DZIP1L: variants seen among roughly 807,000 people sequenced by gnomAD.
The protein encoded by DZIP1L is cilium assembly protein DZIP1L.
In DZIP1L, 90 loss-of-function variants were observed where a neutral mutation model predicts 88.7. The ratio of observed to expected loss-of-function variants is 1.02; its 90% confidence interval spans 0.86 to 1.21. The LOEUF (loss-of-function observed/expected upper bound fraction) is 1.21, where lower values mean the gene tolerates loss of function less well. DZIP1L is among the 50% of genes most tolerant of loss of function. The pLI, the probability that DZIP1L is intolerant of heterozygous loss-of-function variation, is 0.00. For missense variants in DZIP1L, 932 were observed against 955.8 expected (o/e 0.98, Z 0.33); for synonymous variants, 363 against 372.1 (o/e 0.98, Z 0.28).
chr3:138,086,609 AAAG>A (rs989518463), intron 7 of DZIP1L, among the ~76,000 whole-genome samples: 2 of 152,166 alleles, frequency 1.3e-5, no homozygotes, highest in Non-Finnish European at 2.9e-5. Context: ...GGGGAATTTC[AAAG>A]AAGAGCCCAA....
At chr3:138,092,270 A>G in intron 5 of DZIP1L, 113 bp downstream of exon 5, 2 of 1,201,662 alleles carry the variant, frequency 1.7e-6, no homozygotes, top group Non-Finnish European at 2.2e-6. Flanking sequence ...AACTGGCCTC[A>G]CAGTGTTTTA....
intron 12 of DZIP1L, among the ~76,000 whole-genome samples, chr3:138,070,972 GGTCC>G (rs1384865351): frequency 6.6e-6 from 1 of 152,200 alleles, no homozygotes; most frequent in East Asian, 1.9e-4. Context: ...CAAGGGTCCT[GGTCC>G]ACAGAATTTC....
chr3:138,101,323 C>T (rs1248683512), intron 2 of DZIP1L, among the ~76,000 whole-genome samples: 1 of 151,114 alleles, frequency 6.6e-6, no homozygotes, highest in Non-Finnish European at 1.5e-5. Flanking sequence ...CAAGGGGGGT[C>T]CCTAGGCAGT....
chr3:138,081,049 G>A (rs780591537), intron 9 of DZIP1L, among the ~76,000 whole-genome samples: 5 of 152,132 alleles, frequency 3.3e-5, no homozygotes, highest in Non-Finnish European at 7.3e-5. Context: ...TGTCTGAACT[G>A]GCTACACGGC....
intron 12 of DZIP1L, 53 bp downstream of exon 12, chr3:138,071,590 A>C: frequency 6.4e-7 from 1 of 1,551,226 alleles, no homozygotes; most frequent in Non-Finnish European, 8.7e-7. Flanking sequence ...AGTTTTGGCA[A>C]GAATGGGACC....
intron 14 of DZIP1L, among the ~76,000 whole-genome samples, chr3:138,065,678 C>T (rs991015395): frequency 2.0e-5 from 3 of 152,194 alleles, no homozygotes; most frequent in African/African-American, 4.8e-5. Flanking sequence ...TAAACATGGC[C>T]AAGTACTGCA....
chr3:138,106,039 C>G (rs6768849), intron 1 of DZIP1L, among the ~76,000 whole-genome samples: 7 of 149,432 alleles, frequency 4.7e-5, no homozygotes, highest in African/African-American at 1.7e-4. Flanking sequence ...TCAGTTCTTG[C>G]AGAAGTGAGA....
At chr3:138,098,347 T>C (rs1944573303) in intron 2 of DZIP1L, among the ~76,000 whole-genome samples, 1 of 152,160 alleles carries the variant, frequency 6.6e-6, no homozygotes, top group African/African-American at 2.4e-5. Flanking sequence ...TGTTTGAAAT[T>C]TTCCATAATA....
chr3:138,080,667 T>G (rs1943606755), intron 9 of DZIP1L, 47 bp from the exon 10 acceptor site: 1 of 1,600,052 alleles, frequency 6.2e-7, no homozygotes, highest in East Asian at 2.2e-5. Flanking sequence ...CTGGACCCCA[T>G]CCCTGACTAG....
At chr3:138,098,798 C>A (rs2107829832) in intron 2 of DZIP1L, among the ~76,000 whole-genome samples, 1 of 152,270 alleles carries the variant, frequency 6.6e-6, no homozygotes, top group Non-Finnish European at 1.5e-5. Context: ...AATTTGTTAT[C>A]AATTAATAAT....
At chr3:138,102,315 T>C in intron 2 of DZIP1L, 1 of 1,346,364 alleles carries the variant, frequency 7.4e-7, no homozygotes. Context: ...GTAAGCTTCA[T>C]CCACATCTTT....
intron 8 of DZIP1L, 85 bp from the exon 9 acceptor site, chr3:138,081,849 T>C: frequency 1.4e-6 from 2 of 1,435,702 alleles, no homozygotes; most frequent in South Asian, 2.6e-5. Context: ...CCTAGCACAG[T>C]GAGGAAGGGA....
intron 4 of DZIP1L, 151 bp downstream of exon 4, chr3:138,094,711 A>T (rs1944386641): frequency 4.7e-6 from 6 of 1,277,498 alleles, no homozygotes; most frequent in Non-Finnish European, 6.5e-6. Context: ...ACCTAAAATC[A>T]TTTGCCATGT....
At position 138,108,265 on chromosome 3, in the gene DZIP1L, G is replaced by A. The variant is rs988548069; in HGVS notation, c.-81-4213C>T. 10 of 984,764 alleles carry A rather than the reference G, an allele frequency of 1.0e-5. No homozygotes were observed. In the African/African-American group the frequency reaches 1.4e-4, roughly 14 times the overall value. 61.0% of individuals were successfully genotyped at this position (984,764 alleles called of 1,614,324 possible). A position where few individuals can be genotyped will look rare whatever the true frequency, so the allele number is the denominator to read the frequency against. ...ACTACTCACAACAAGCTGTGCCTCG[G>A]AGCAACAGCAGGTTACCAGGCATGC... is the stretch of plus-strand genomic sequence containing the variant. On this transcript the variant is annotated intron_variant, in intron 1 of 15. Transcript: ENST00000327532.
At chr3:138,102,876 G>T in intron 2 of DZIP1L, 1 of 656,266 alleles carries the variant, frequency 1.5e-6, no homozygotes, top group East Asian at 2.8e-5. Flanking sequence ...GGGGGCCAGA[G>T]GTGGGCACCT....
chr3:138,094,911 T>G lies in DZIP1L; in HGVS notation c.659A>C (p.Gln220Pro), dbSNP rs982913100. 4 of 1,614,260 alleles carry G rather than the reference T, an allele frequency of 2.5e-6. No individual in the cohort carries two copies. In the East Asian group the frequency reaches 6.7e-5, roughly 27 times the overall value. Reference protein sequence around the residue: ...EELRAKLKWTQGELEAQREAE... With the variant: ...EELRAKLKWTPGELEAQREAE... Reference sequence around the variant, plus strand: ...CTCCCTCTGGGCTTCCAGCTCCCCTTGGGTCCACTTTAGCTTGGCCCGTAG... The same window carrying G: ...CTCCCTCTGGGCTTCCAGCTCCCCTGGGGTCCACTTTAGCTTGGCCCGTAG... The change falls in exon 4 of 16, where the codon CAA becomes CCA. Residue 220 changes from glutamine to proline, a missense_variant. Transcript: ENST00000327532.
Position 138,062,534 on chromosome 3 carries a change from T to G in DZIP1L, c.*282A>C. The G allele has an allele frequency of 3.3e-5, 11 of 334,160 alleles. No individual in the cohort carries two copies. Among genetic ancestry groups the G allele is most frequent in the Admixed American group, 8.0e-5 (2 of 24,964 alleles). The allele number at this position is 334,160 out of a possible 1,614,324, so 20.7% of individuals were successfully genotyped here. On this transcript the variant is annotated 3_prime_UTR_variant, in exon 16 of 16. Coordinates refer to ENST00000327532, the MANE Select transcript of DZIP1L (RefSeq NM_173543.3). ...GTGACTCTTTTCAGTCTTGGGGGGA[T>G]GTGGAGGTAGAGGAAGAAAACTACC...
At chr3:138,096,770 CT>C (rs1412246435) in intron 3 of DZIP1L, among the ~76,000 whole-genome samples, 9 of 151,234 alleles carry the variant, frequency 6.0e-5, no homozygotes, top group Middle Eastern at 3.4e-3. Flanking sequence ...GTAAGTGGTA[CT>C]TTTTTTTTAT....
chr3:138,084,477 A>G (rs1348884747), intron 7 of DZIP1L, among the ~76,000 whole-genome samples: 1 of 152,228 alleles, frequency 6.6e-6, no homozygotes, highest in Non-Finnish European at 1.5e-5. Context: ...CCAGGAGAGA[A>G]AGGTGTAGCC....
Sources: gnomAD v4.1 joint callset for allele counts (sites outside exome capture counted in the v4.1 genomes callset) on GRCh38, gnomAD v4.1.1 for gene constraint, MANE v1.5 for transcripts, NCBI Gene and HGNC (gene_info 2026-07-23, HGNC 2026-07-21) for gene names.